The following MGAT5 variants were observed in gnomAD, a reference collection of about 807,000 sequenced individuals.
MGAT5 encodes the protein alpha-1,6-mannosylglycoprotein 6-beta-N-acetylglucosaminyltransferase.
A neutral mutation model predicts 94.3 loss-of-function variants in MGAT5; 30 were observed. The ratio of observed to expected loss-of-function variants is 0.32; its 90% CI spans 0.24 to 0.43. MGAT5 has a LOEUF of 0.43. Ranked by LOEUF, MGAT5 falls within the 20% of genes least tolerant of loss-of-function variation. The pLI is 1.00. For synonymous variants in MGAT5, 310 were observed against 322.9 expected, an observed-to-expected ratio of 0.96 and a Z score of 0.43; for missense variants, 691 against 905.5, an observed-to-expected ratio of 0.76 and a Z score of 3.04.
chr2:134,155,975 C>T (rs1049004109), intron 1 of MGAT5, among the ~76,000 whole-genome samples: 2 of 152,158 alleles, frequency 1.3e-5, no homozygotes, highest in African/African-American at 4.8e-5. Flanking sequence ...TTCTTTTCTT[C>T]ATAGTAGTTG....
At chr2:134,148,115 T>C (rs946784280) in intron 1 of MGAT5, among the ~76,000 whole-genome samples, 15 of 152,086 alleles carry the variant, frequency 9.9e-5, no homozygotes, top group African/African-American at 3.6e-4. Flanking sequence ...TTGTTTGCCT[T>C]GTAATCTTTG....
intron 1 of MGAT5, among the ~76,000 whole-genome samples, chr2:134,194,335 T>A (rs1679389624): frequency 6.6e-6 from 1 of 152,152 alleles, no homozygotes; most frequent in Admixed American, 6.5e-5. Context: ...TGCAGGATGC[T>A]TATATATTAG....
intron 1 of MGAT5, among the ~76,000 whole-genome samples, chr2:134,177,978 G>A (rs1688558832): frequency 6.6e-6 from 1 of 152,150 alleles, no homozygotes; most frequent in Admixed American, 6.5e-5. Context: ...TGTGGCAGAG[G>A]TAATGTAATG....
At chr2:134,121,056 G>A (rs1298673255) in intron 1 of MGAT5, among the ~76,000 whole-genome samples, 1 of 152,134 alleles carries the variant, frequency 6.6e-6, no homozygotes, top group Admixed American at 6.5e-5. Flanking sequence ...GAGCCGCCCC[G>A]GCCCACTCCC....
chr2:134,130,336 C>G (rs1009443088), intron 1 of MGAT5, among the ~76,000 whole-genome samples: 1 of 151,360 alleles, frequency 6.6e-6, no homozygotes, highest in Admixed American at 6.6e-5. Flanking sequence ...CCCCTACGGG[C>G]ACCACCCCTT....
intron 1 of MGAT5, among the ~76,000 whole-genome samples, chr2:134,225,121 G>A (rs1285958189): frequency 6.6e-6 from 1 of 151,606 alleles, no homozygotes; most frequent in Non-Finnish European, 1.5e-5. Context: ...AAATCGGGGG[G>A]GAATTTCCAA....
chr2:134,161,519 G>A (rs959502231), intron 1 of MGAT5, among the ~76,000 whole-genome samples: 1 of 152,196 alleles, frequency 6.6e-6, no homozygotes, highest in African/African-American at 2.4e-5. Context: ...GCAGGAGGCA[G>A]AAGCCTGGGC....
intron 10 of MGAT5, among the ~76,000 whole-genome samples, chr2:134,402,291 G>C (rs565815792): frequency 2.9e-4 from 44 of 152,260 alleles, no homozygotes; most frequent in Non-Finnish European, 5.3e-4. Context: ...ACAAGAAAAG[G>C]GGTTTGGTTG....
At chr2:134,218,019 T>TG (rs1680580710) in intron 1 of MGAT5, among the ~76,000 whole-genome samples, 1 of 152,226 alleles carries the variant, frequency 6.6e-6, no homozygotes, top group Non-Finnish European at 1.5e-5. Context: ...TATTACTGGC[T>TG]GGCAGAAGGT....
At chr2:134,392,465 C>T (rs934238047) in intron 10 of MGAT5, among the ~76,000 whole-genome samples, 1 of 152,246 alleles carries the variant, frequency 6.6e-6, no homozygotes. Flanking sequence ...CGCTGCTATA[C>T]CTGAATCAGA....
chr2:134,171,471 A>T (rs1276439099), intron 1 of MGAT5, among the ~76,000 whole-genome samples: 1 of 152,178 alleles, frequency 6.6e-6, no homozygotes, highest in Non-Finnish European at 1.5e-5. Flanking sequence ...GCCAAGTGTC[A>T]CCTTACTCCC....
At chr2:134,361,212 T>C (rs1680075071) in intron 9 of MGAT5, among the ~76,000 whole-genome samples, 2 of 152,246 alleles carry the variant, frequency 1.3e-5, no homozygotes, top group African/African-American at 4.8e-5. Flanking sequence ...GTTGACCACC[T>C]ATCTGTGAAT....
At chr2:134,332,024 A>G (rs1023759091) in intron 4 of MGAT5, among the ~76,000 whole-genome samples, 1 of 151,958 alleles carries the variant, frequency 6.6e-6, no homozygotes, top group Non-Finnish European at 1.5e-5. Context: ...AAGGTAATTT[A>G]TAGATTCAAT....
At chr2:134,146,955 T>C (rs980280055) in intron 1 of MGAT5, among the ~76,000 whole-genome samples, 1 of 152,232 alleles carries the variant, frequency 6.6e-6, no homozygotes, top group Non-Finnish European at 1.5e-5. Context: ...GCTTAGTCTG[T>C]TGCTAGTATA....
intron 2 of MGAT5, among the ~76,000 whole-genome samples, chr2:134,297,734 T>C (rs920193221): frequency 6.6e-6 from 1 of 152,258 alleles, no homozygotes; most frequent in South Asian, 2.1e-4. Context: ...ACATCATACT[T>C]ACTAGAAAAG....
chr2:134,411,685 C>T (rs1369282131), intron 11 of MGAT5, among the ~76,000 whole-genome samples: 1 of 152,188 alleles, frequency 6.6e-6, no homozygotes, highest in Non-Finnish European at 1.5e-5. Flanking sequence ...CTGAACCTTT[C>T]TAAACGATCA....
At chr2:134,145,214 C>CTCTGTGTGTGTGTGTGTGTGTGTGTGTG (rs373377770) in intron 1 of MGAT5, among the ~76,000 whole-genome samples, 20 of 143,870 alleles carry the variant, frequency 1.4e-4, no homozygotes, top group African/African-American at 4.9e-4. Flanking sequence ...GTCTCTCTCT[C>CTCTGTGTGTGTGTGTGTGTGTGTGTGTG]TGTGTGTGTG....
chr2:134,222,053 C>T (rs902502341), intron 1 of MGAT5, among the ~76,000 whole-genome samples: 2 of 151,722 alleles, frequency 1.3e-5, no homozygotes, highest in East Asian at 1.9e-4. Flanking sequence ...TAAATATTAG[C>T]GATTTGGATA....
intron 2 of MGAT5, among the ~76,000 whole-genome samples, chr2:134,314,526 AT>A (rs1686886181): frequency 6.6e-6 from 1 of 152,132 alleles, no homozygotes; most frequent in Non-Finnish European, 1.5e-5. Context: ...TAGGTTCCTC[AT>A]GTGCTAGGAG....
Sources: gnomAD v4.1 joint callset for allele counts (sites outside exome capture counted in the v4.1 genomes callset) on GRCh38, gnomAD v4.1.1 for gene constraint, MANE v1.5 for transcripts, NCBI Gene and HGNC (gene_info 2026-07-23, HGNC 2026-07-21) for gene names.